The following GGACT variants were observed in gnomAD, a reference collection of about 807,000 sequenced individuals.
The protein encoded by GGACT is gamma-glutamylaminecyclotransferase.
For missense variants in GGACT, 241 were observed against 233.2 expected (o/e 1.03, Z -0.22); for synonymous variants, 118 against 115.3 (o/e 1.02, Z -0.15).
chr13:100,548,347 T>C (rs1035185474), intron 2 of GGACT, among the ~76,000 whole-genome samples: 4 of 152,274 alleles, frequency 2.6e-5, no homozygotes, highest in African/African-American at 9.6e-5. Context: ...AGTTTTATAT[T>C]ACTGTTTTGC....
chr13:100,547,689 C>T (rs988130963), intron 2 of GGACT, among the ~76,000 whole-genome samples: 3 of 152,234 alleles, frequency 2.0e-5, no homozygotes, highest in Non-Finnish European at 2.9e-5. Flanking sequence ...GCTTCCCTTA[C>T]ACTCACTTGC....
Position 100,561,171 on chromosome 13 carries a change from G to A in GGACT, c.-11+22654C>T, listed in dbSNP as rs75865453. On this transcript the variant is annotated intron_variant, in intron 2 of 2. Transcript: ENST00000683975. ...CCATTTCAGTATTTCCAGCTCCATTGCTATTATTTTACCAATGATTATCTA... is the reference window on the plus strand; with the variant it reads ...CCATTTCAGTATTTCCAGCTCCATTACTATTATTTTACCAATGATTATCTA... Among the ~76,000 whole-genome samples the A allele has an allele frequency of 3.9e-5, 6 of 152,236 alleles. No individual in the cohort carries two copies. The East Asian group carries it at 1.2e-3, about 29-fold the overall frequency.
chr13:100,537,957 G>C (rs2153012624), intron 2 of GGACT: 1 of 152,312 alleles, frequency 6.6e-6, no homozygotes, highest in Non-Finnish European at 1.5e-5. Context: ...GAGGAGAAGA[G>C]AGTTGGAGGA....
At chr13:100,546,993 T>A (rs2088612029) in intron 2 of GGACT, among the ~76,000 whole-genome samples, 1 of 152,196 alleles carries the variant, frequency 6.6e-6, no homozygotes, top group Non-Finnish European at 1.5e-5. Context: ...GCCATCCCAC[T>A]CAGCCCAGAT....
At chr13:100,543,477 T>C (rs1336672667) in intron 2 of GGACT, among the ~76,000 whole-genome samples, 1 of 152,050 alleles carries the variant, frequency 6.6e-6, no homozygotes, top group Non-Finnish European at 1.5e-5. Flanking sequence ...AAGTGCTAGA[T>C]TGCAGGCATG....
rs2088365096 is a variant in GGACT, at chr13:100,531,072, A to G, written c.*1058T>C. On this transcript the variant is annotated 3_prime_UTR_variant, in exon 3 of 3. Coordinates refer to ENST00000683975, the MANE Select transcript of GGACT (RefSeq NM_001195087.2). ...GTTGAAGAGTAAGTGAGCTCTCCCAACAGAGAATGAGGTTACTAAAGATCA... is the reference window on the plus strand; with the variant it reads ...GTTGAAGAGTAAGTGAGCTCTCCCAGCAGAGAATGAGGTTACTAAAGATCA... 4 of 152,258 alleles carry G rather than the reference A, an allele frequency of 2.6e-5. No individual in the cohort carries two copies. In the South Asian group the frequency reaches 8.3e-4, roughly 31 times the overall value. The allele number at this position is 152,258 out of a possible 1,614,324, so 9.4% of individuals were successfully genotyped here.
chr13:100,548,575 C>T (rs868288121), intron 2 of GGACT, among the ~76,000 whole-genome samples: 32 of 152,230 alleles, frequency 2.1e-4, no homozygotes, highest in African/African-American at 7.7e-4. Context: ...CCAGCGCGCC[C>T]TGTATTTAGC....
intron 2 of GGACT, among the ~76,000 whole-genome samples, chr13:100,559,051 T>C (rs2088734949): frequency 6.6e-6 from 1 of 152,142 alleles, no homozygotes; most frequent in African/African-American, 2.4e-5. Context: ...CTTTAATGGA[T>C]GATGAAAGTG....
At chr13:100,544,985 C>T (rs1566530864) in intron 2 of GGACT, among the ~76,000 whole-genome samples, 1 of 152,188 alleles carries the variant, frequency 6.6e-6, no homozygotes, top group Non-Finnish European at 1.5e-5. Context: ...CTGCCAGCCC[C>T]TGCTGCCTCC....
intron 1 of GGACT, among the ~76,000 whole-genome samples, chr13:100,586,034 T>C (rs1362576360): frequency 6.6e-6 from 1 of 152,058 alleles, no homozygotes; most frequent in Non-Finnish European, 1.5e-5. Flanking sequence ...TGTCTGGATG[T>C]GGATTCAAAC....
In GGACT at chr13:100,534,907, G is replaced by C. The variant is rs2088469900; in HGVS notation, c.-10-2306C>G. ...ATCCAGGTGGCTCCTGCCCCGACCA[G>C]CGCCTGACCTGGAGGGTGCAGGAGT... On this transcript the variant is annotated intron_variant, in intron 2 of 2. Transcript: ENST00000683975. This position sits in a 1 kb window ranked among gnomAD's most constrained non-coding sequence, Gnocchi z 4.9. 1.3e-5 allele frequency among the ~76,000 whole-genome samples: 2 copies of C among 152,216 alleles called. No individual in the cohort carries two copies. The highest frequency in any genetic ancestry group is 4.8e-5 in the African/African-American group (2 of 41,452).
intron 2 of GGACT, among the ~76,000 whole-genome samples, chr13:100,576,651 A>G (rs9300609): frequency 0.28 from 42,372 of 152,120 alleles, 6,404 homozygotes; most frequent in African/African-American, 0.38. Context: ...GAAGTGAAAA[A>G]TCAGCCTCAA....
At chr13:100,570,255 A>G (rs950344426) in intron 2 of GGACT, among the ~76,000 whole-genome samples, 2 of 152,224 alleles carry the variant, frequency 1.3e-5, no homozygotes, top group African/African-American at 2.4e-5. Flanking sequence ...ACTGCTAATA[A>G]AGACATACCT....
rs200007489 is a variant in GGACT, at chr13:100,530,222, TTCAC to T, written c.*1904_*1907del. The T allele has an allele frequency of 3.1e-3, 4,044 of 1,322,184 alleles. 98 individuals are homozygous for T. The African/African-American group carries it at 0.049, about 16-fold the overall frequency. The allele number at this position is 1,322,184 out of a possible 1,614,324, so 81.9% of individuals were successfully genotyped here. A position where few individuals can be genotyped will look rare whatever the true frequency, so the allele number is the denominator to read the frequency against. On this transcript the variant is annotated 3_prime_UTR_variant, in exon 3 of 3. Coordinates refer to ENST00000683975, the MANE Select transcript of GGACT (RefSeq NM_001195087.2). ...TTTAATTAGCCATTTGCATGATGCT[TTCAC>T]ACACAATTGATTCAAGCATTATACA...
chr13:100,542,806 T>C (rs1827296507), intron 2 of GGACT, among the ~76,000 whole-genome samples: 1 of 152,184 alleles, frequency 6.6e-6, no homozygotes, highest in African/African-American at 2.4e-5. Context: ...CCATTGCCAA[T>C]ATTTGAGAAA....
At chr13:100,577,293 G>A (rs1875275160) in intron 2 of GGACT, among the ~76,000 whole-genome samples, 1 of 152,046 alleles carries the variant, frequency 6.6e-6, no homozygotes. Context: ...GTGGGTGCCT[G>A]TAATCCCAGC....
chr13:100,533,122 C>T (rs1440929249), intron 2 of GGACT, among the ~76,000 whole-genome samples: 1 of 152,234 alleles, frequency 6.6e-6, no homozygotes, highest in Non-Finnish European at 1.5e-5. Flanking sequence ...GCGCAGCCTC[C>T]CCGACTCCCT....
chr13:100,540,282 T>C lies in GGACT; in HGVS notation c.-10-7681A>G, dbSNP rs1348600161. On this transcript the variant is annotated intron_variant, in intron 2 of 2. Coordinates refer to ENST00000683975, the MANE Select transcript of GGACT (RefSeq NM_001195087.2). ...CACGGACCGGAGAGAGAGTGGGCTT[T>C]TCTTTTGGGGGAGATTTTTGACTGC... The C allele has an allele frequency of 6.4e-6, 7 of 1,086,240 alleles. No homozygotes were observed. The African/African-American group carries it at 9.2e-5, about 14-fold the overall frequency. The allele number at this position is 1,086,240 out of a possible 1,614,324, so 67.3% of individuals were successfully genotyped here.
At chr13:100,549,673 G>A (rs571690249) in intron 2 of GGACT, among the ~76,000 whole-genome samples, 7 of 152,280 alleles carry the variant, frequency 4.6e-5, no homozygotes, top group South Asian at 2.1e-4. Flanking sequence ...ATCACCTTTC[G>A]CTAAGAATAT....
Sources: allele counts gnomAD v4.1 joint callset (sites outside exome capture counted in the v4.1 genomes callset), GRCh38; gene constraint gnomAD v4.1.1; non-coding constraint Gnocchi (gnomAD v3.1); transcripts MANE v1.5; gene names NCBI Gene and HGNC (gene_info 2026-07-23, HGNC 2026-07-21).